Variants in USP13 observed in about 807,000 individuals in gnomAD.
USP13 encodes ubiquitin specific peptidase 13.
USP13 carries 68 observed loss-of-function variants against 107.8 expected under a neutral mutation model. The ratio of observed to expected loss-of-function variants is 0.63; its 90% CI spans 0.52 to 0.77. The LOEUF (loss-of-function observed/expected upper bound fraction) is 0.77, where lower values mean the gene tolerates loss of function less well. Among genes scored for constraint, USP13 ranks in the 30% least tolerant of loss-of-function variants. USP13 has a pLI of 0.00. For missense variants in USP13, 945 were observed against 1,093.3 expected (o/e 0.86, Z 1.91); for synonymous variants, 377 against 389.5 (o/e 0.97, Z 0.38).
chr3:179,757,669 A>G (rs1714853529), intron 16 of USP13, among the ~76,000 whole-genome samples: 1 of 152,252 alleles, frequency 6.6e-6, no homozygotes, highest in Admixed American at 6.5e-5. Context: ...AAGAGAAAGC[A>G]TTTAACACTA....
At chr3:179,727,642 C>T (rs1171815702) in intron 8 of USP13, among the ~76,000 whole-genome samples, 4 of 87,478 alleles carry the variant, frequency 4.6e-5, no homozygotes, top group African/African-American at 7.5e-5. Flanking sequence ...TCCACAAAAC[C>T]GCCATTGTCA....
intron 17 of USP13, among the ~76,000 whole-genome samples, chr3:179,761,802 T>G (rs1029061023): frequency 1.3e-5 from 2 of 152,138 alleles, no homozygotes; most frequent in Non-Finnish European, 2.9e-5. Context: ...TTAAAGTGTA[T>G]AAGTCAGTGG....
At chr3:179,674,937 C>T (rs1166854752) in intron 1 of USP13, among the ~76,000 whole-genome samples, 3 of 152,004 alleles carry the variant, frequency 2.0e-5, no homozygotes, top group East Asian at 1.9e-4. Flanking sequence ...TTTGGGAAGC[C>T]GAGGCAGGTG....
intron 6 of USP13, among the ~76,000 whole-genome samples, chr3:179,718,229 C>CT (rs532630479): frequency 5.3e-5 from 8 of 151,664 alleles, no homozygotes; most frequent in African/African-American, 1.9e-4. Context: ...TTCACCAAGT[C>CT]TGTTGGTATC....
chr3:179,691,884 C>T lies in USP13; in HGVS notation c.355+1583C>T, dbSNP rs78164867. 4.5e-3 allele frequency among the ~76,000 whole-genome samples: 677 copies of T among 151,970 alleles called. 12 individuals are homozygous for T. The highest frequency in any genetic ancestry group is 0.038 in the Admixed American group (575 of 15,268). ...AAGCTTCTGATATGGTTTTCTCAAG[C>T]GAAAAAGTGGTTTGATAATATTTGA... On this transcript the variant is annotated intron_variant, in intron 3 of 20. Transcript: ENST00000263966.
rs554628522 is a variant in USP13, at chr3:179,724,561, G to A, written c.1088+2972G>A. Among the ~76,000 whole-genome samples the A allele has an allele frequency of 1.2e-4, 18 of 152,132 alleles. No individual in the cohort carries two copies. The East Asian group carries it at 2.3e-3, about 20-fold the overall frequency. On this transcript the variant is annotated intron_variant, in intron 8 of 20. Coordinates refer to ENST00000263966, the MANE Select transcript of USP13 (RefSeq NM_003940.3). ...AAGATTAACTGGCTTATGAACAGCC[G>A]TAGCATAATTAGGGAACTTGGCCTG...
intron 10 of USP13, 39 bp downstream of exon 10, chr3:179,730,748 G>A: frequency 6.3e-7 from 1 of 1,585,452 alleles, no homozygotes; most frequent in Middle Eastern, 1.7e-4. Flanking sequence ...CATGTAGGTA[G>A]GGAGGAGCTT....
At chr3:179,714,670 T>C (rs955973665) in intron 6 of USP13, among the ~76,000 whole-genome samples, 1 of 152,152 alleles carries the variant, frequency 6.6e-6, no homozygotes, top group Non-Finnish European at 1.5e-5. Flanking sequence ...TGAGGATTGC[T>C]TGGGCCCAGG....
Position 179,707,034 on chromosome 3 carries a change from A to G in USP13, c.578A>G (p.Asn193Ser). 1 of 1,614,194 alleles carries G rather than the reference A, an allele frequency of 6.2e-7. No individual in the cohort carries two copies. The highest frequency in any genetic ancestry group is 1.1e-5 in the South Asian group (1 of 91,082). ...ENELPVSKYA[N>S]NLTQLDNGVR... is the part of the protein sequence containing the mutation. ...GAATTGCCAGTATCTAAATATGCCA[A>G]CAACCTCACCCAGCTGGACAATGGA... The change falls in exon 5 of 21, where the codon AAC becomes AGC. Residue 193 changes from asparagine to serine, a missense_variant. By Grantham distance (46) the Asn-to-Ser change is conservative. Coordinates refer to ENST00000263966, the MANE Select transcript of USP13 (RefSeq NM_003940.3).
intron 1 of USP13, among the ~76,000 whole-genome samples, chr3:179,672,390 C>CTTTTTTTTTTTTTTTTTTTT (rs1231843720): frequency 7.2e-6 from 1 of 139,400 alleles, no homozygotes; most frequent in Non-Finnish European, 1.6e-5. Flanking sequence ...CTTTTTTTTT[C>CTTTTTTTTTTTTTTTTTTTT]TTTTTTTTTT....
rs1341045500 is a variant in USP13, at chr3:179,656,531, C to T, written c.168+3138C>T. On this transcript the variant is annotated intron_variant, in intron 1 of 20. Coordinates refer to ENST00000263966, the MANE Select transcript of USP13 (RefSeq NM_003940.3). ...ACACATAGCAGATGCTCAATAACAG[C>T]TATTTTGGGATGAGTGAGAATTTGT... 2.0e-5 allele frequency among the ~76,000 whole-genome samples: 3 copies of T among 152,182 alleles called. No homozygotes were observed. In the East Asian group the frequency reaches 5.8e-4, roughly 29 times the overall value.
chr3:179,788,766 G>A lies in USP13; in HGVS notation c.*4625G>A, dbSNP rs986513488. On this transcript the variant is annotated 3_prime_UTR_variant, in exon 21 of 21. Coordinates refer to ENST00000263966, the MANE Select transcript of USP13 (RefSeq NM_003940.3). ...GCCCCACTCTAGACTTACATGGTGT[G>A]GGGTAGGCAGTGAAATCCGTAAATA... 5 of 152,106 alleles carry A rather than the reference G, an allele frequency of 3.3e-5. No homozygotes were observed. Among genetic ancestry groups the A allele is most frequent in the Non-Finnish European group, 7.3e-5 (5 of 68,032 alleles). The allele number at this position is 152,106 out of a possible 1,614,324, so 9.4% of individuals were successfully genotyped here. A position where few individuals can be genotyped will look rare whatever the true frequency, so the allele number is the denominator to read the frequency against.
intron 15 of USP13, among the ~76,000 whole-genome samples, chr3:179,755,213 T>G (rs149156354): frequency 1.3e-5 from 2 of 152,318 alleles, no homozygotes; most frequent in East Asian, 3.9e-4. Flanking sequence ...CTCCCCAGCT[T>G]TTTTACTGCA....
Position 179,696,328 on chromosome 3 carries a change from A to ATTTTTTTTT in USP13, c.356-4669_356-4661dup, listed in dbSNP as rs4041265. Among the ~76,000 whole-genome samples, 6 of 117,714 alleles carry ATTTTTTTTT rather than the reference A, an allele frequency of 5.1e-5. 2 individuals carry two copies. Among genetic ancestry groups the ATTTTTTTTT allele is most frequent in the Admixed American group, 4.1e-4 (4 of 9,704 alleles). The allele number at this position is 117,714 out of a possible 152,430, so 77.2% of individuals were successfully genotyped here. ...TACTAAATAAACAGAGCCATTAGGC[A>ATTTTTTTTT]TTTTTTTTTTTTTTTTTTTGAGATG... is the stretch of plus-strand genomic sequence containing the variant. On this transcript the variant is annotated intron_variant, in intron 3 of 20. Transcript: ENST00000263966.
intron 8 of USP13, among the ~76,000 whole-genome samples, chr3:179,722,838 C>T (rs1713374039): frequency 6.6e-6 from 1 of 152,168 alleles, no homozygotes; most frequent in Non-Finnish European, 1.5e-5. Flanking sequence ...CCCTTTACCG[C>T]AGATAATTTG....
At chr3:179,782,553 C>T (rs1479075095) in intron 20 of USP13, among the ~76,000 whole-genome samples, 1 of 152,126 alleles carries the variant, frequency 6.6e-6, no homozygotes, top group Non-Finnish European at 1.5e-5. Context: ...ACTGAGTAGC[C>T]TGTGGGTTGG....
At position 179,688,887 on chromosome 3, in the gene USP13, ACT is replaced by A. The variant is rs1267726045; in HGVS notation, c.295-1351_295-1350del. ...GAGGCTCTGAGATAATAGAGGAGCG[ACT>A]CTAAGAGAGGAGATGTGCATTTGGC... On this transcript the variant is annotated intron_variant, in intron 2 of 20. Transcript: ENST00000263966. 2.6e-5 allele frequency among the ~76,000 whole-genome samples: 4 copies of A among 152,162 alleles called. No individual in the cohort carries two copies. The East Asian group carries it at 7.7e-4, about 29-fold the overall frequency.
At chr3:179,665,679 C>T (rs115876818) in intron 1 of USP13, among the ~76,000 whole-genome samples, 2,213 of 151,744 alleles carry the variant, frequency 0.015, 48 homozygotes, top group African/African-American at 0.049. Context: ...TCCGCCTCCT[C>T]GATTCCAGTG....
chr3:179,727,376 G>A (rs1284110410), intron 8 of USP13, among the ~76,000 whole-genome samples: 1 of 117,292 alleles, frequency 8.5e-6, no homozygotes. Context: ...CTCTTAAGGA[G>A]CATGCTGCCT....
Sources: gnomAD v4.1 joint callset for allele counts (sites outside exome capture counted in the v4.1 genomes callset) on GRCh38, gnomAD v4.1.1 for gene constraint, MANE v1.5 for transcripts, NCBI Gene and HGNC (gene_info 2026-07-23, HGNC 2026-07-21) for gene names.